The following KATNIP variants were observed in gnomAD, a reference collection of about 807,000 sequenced individuals.
The protein encoded by KATNIP is katanin interacting protein.
A neutral mutation model predicts 174.0 loss-of-function variants in KATNIP; 126 were observed. That is an observed-to-expected ratio of 0.72 (90% CI 0.63 to 0.84). The LOEUF (loss-of-function observed/expected upper bound fraction) is 0.84, where lower values mean the gene tolerates loss of function less well. Ranked by LOEUF, KATNIP falls within the 40% of genes least tolerant of loss-of-function variation. The probability of loss-of-function intolerance (pLI) is 0.00; values close to 1 mark genes in which losing one functional copy is unlikely to be tolerated. For synonymous variants in KATNIP, 810 were observed against 835.7 expected (o/e 0.97, Z 0.53); for missense variants, 1,958 against 2,109.7 (o/e 0.93, Z 1.41).
chr16:27,646,696 C>T (rs1332558428), intron 5 of KATNIP, among the ~76,000 whole-genome samples: 2 of 152,206 alleles, frequency 1.3e-5, no homozygotes, highest in East Asian at 3.8e-4. Context: ...GGGAACCTTG[C>T]GTGCCAGGTA....
At chr16:27,766,248 A>C in intron 19 of KATNIP, 61 bp from the exon 20 acceptor site, 1 of 1,581,084 alleles carries the variant, frequency 6.3e-7, no homozygotes. Context: ...TGGGGGCCCC[A>C]CTGTGATGCC....
At chr16:27,663,734 C>T (rs1250198738) in intron 6 of KATNIP, among the ~76,000 whole-genome samples, 1 of 151,920 alleles carries the variant, frequency 6.6e-6, no homozygotes, top group African/African-American at 2.4e-5. Context: ...GTTGGGATTA[C>T]AGGCGTGAGC....
Position 27,712,372 on chromosome 16 carries a change from G to A in KATNIP, c.1605+3452G>A, listed in dbSNP as rs554525584. Reference sequence around the variant, plus strand: ...CTCAGAACCATCTAATTGCACCAGCGTGTGGCAGCCACAGCCTGGTGCATC... The same window carrying A: ...CTCAGAACCATCTAATTGCACCAGCATGTGGCAGCCACAGCCTGGTGCATC... On this transcript the variant is annotated intron_variant, in intron 13 of 27. Coordinates refer to ENST00000261588, the MANE Select transcript of KATNIP (RefSeq NM_015202.5). Among the ~76,000 whole-genome samples, 12 of 152,214 alleles carry A rather than the reference G, an allele frequency of 7.9e-5. No homozygotes were observed. The South Asian group carries it at 1.2e-3, about 16-fold the overall frequency.
intron 2 of KATNIP, among the ~76,000 whole-genome samples, chr16:27,611,012 T>C (rs188692107): frequency 4.9e-4 from 74 of 152,320 alleles, no homozygotes; most frequent in African/African-American, 1.7e-3. Flanking sequence ...CATATGTTGA[T>C]TGATGTCTCA....
intron 1 of KATNIP, among the ~76,000 whole-genome samples, chr16:27,556,866 T>C (rs900167073): frequency 2.6e-5 from 4 of 152,196 alleles, no homozygotes; most frequent in Non-Finnish European, 2.9e-5. Context: ...AGACTCTTTG[T>C]GTCTGTTCTG....
intron 14 of KATNIP, among the ~76,000 whole-genome samples, chr16:27,733,563 GGAC>G (rs2080777184): frequency 2.2e-5 from 2 of 90,914 alleles, no homozygotes; most frequent in Non-Finnish European, 4.2e-5. Flanking sequence ...GAAACAAGAA[GGAC>G]ACACACACAC....
At position 27,740,269 on chromosome 16, in the gene KATNIP, G is replaced by C; in HGVS notation, c.1972G>C (p.Gly658Arg). 6.2e-7 allele frequency: 1 copy of C among 1,614,228 alleles called. No homozygotes were observed. Among genetic ancestry groups the C allele is most frequent in the African/African-American group, 1.3e-5 (1 of 75,060 alleles). Residue 658 changes from glycine to arginine, a missense_variant, in exon 15 of 28, where the codon GGT becomes CGT. Physicochemically the swap from Gly to Arg is moderately radical, Grantham distance 125 (BLOSUM62 -2). Transcript: ENST00000261588. ...CAGCGGGGACAAGGAGCTTGGTCTC[G>C]GTTGCTCACCGCCAGCTGAAACATT... ...GASGDKELGL[G>R]CSPPAETLAD...
chr16:27,741,299 T>G (rs541511830), intron 15 of KATNIP, among the ~76,000 whole-genome samples: 165 of 152,202 alleles, frequency 1.1e-3, no homozygotes, highest in African/African-American at 3.8e-3. Flanking sequence ...AATAGCTGGG[T>G]ACAGTGGCCA....
Position 27,628,731 on chromosome 16 carries a change from G to A in KATNIP, c.211G>A (p.Val71Ile). 1 of 1,614,212 alleles carries A rather than the reference G, an allele frequency of 6.2e-7. No individual in the cohort carries two copies. The change falls in exon 4 of 28, where the codon GTC becomes ATC. Residue 71 changes from valine to isoleucine, a missense_variant. Physicochemically the swap from Val to Ile is conservative, Grantham distance 29 (BLOSUM62 3). This residue lies in a region of KATNIP where 1,557 missense variants were observed against 1,617.8 expected (regional missense o/e 0.96). Coordinates refer to ENST00000261588, the MANE Select transcript of KATNIP (RefSeq NM_015202.5). ...RLEHLEQGFS[V>I]YVNGANSELK... ...GGAGCACTTGGAGCAAGGTTTCTCT[G>A]TCTATGTCAACGGTGCCAATTCGGA... is the stretch of plus-strand genomic sequence containing the variant.
intron 2 of KATNIP, among the ~76,000 whole-genome samples, chr16:27,595,149 C>G (rs2075297835): frequency 1.3e-5 from 2 of 152,218 alleles, no homozygotes; most frequent in East Asian, 3.9e-4. Flanking sequence ...CTTTGGGAGG[C>G]CTAAGTGGGT....
intron 1 of KATNIP, among the ~76,000 whole-genome samples, chr16:27,554,754 A>G (rs542565667): frequency 8.7e-4 from 109 of 125,200 alleles, no homozygotes; most frequent in Admixed American, 3.0e-3. Context: ...AAAGAATCCC[A>G]TTTTCTGTTC....
chr16:27,598,709 C>T (rs1468385134), intron 2 of KATNIP, among the ~76,000 whole-genome samples: 1 of 152,138 alleles, frequency 6.6e-6, no homozygotes, highest in Non-Finnish European at 1.5e-5. Flanking sequence ...AGCTGATGGT[C>T]AAGGAGGAAC....
chr16:27,595,877 A>T (rs1200650011), intron 2 of KATNIP, among the ~76,000 whole-genome samples: 1 of 152,192 alleles, frequency 6.6e-6, no homozygotes, highest in African/African-American at 2.4e-5. Flanking sequence ...AGCCACGCAG[A>T]TCTCTGGGAA....
At chr16:27,669,864 A>G (rs998617960) in intron 6 of KATNIP, among the ~76,000 whole-genome samples, 15 of 151,574 alleles carry the variant, frequency 9.9e-5, no homozygotes, top group African/African-American at 3.6e-4. Context: ...TTAAGTTTTT[A>G]AAAATAGAGT....
At chr16:27,772,098 G>C (rs2082329415) in intron 22 of KATNIP, among the ~76,000 whole-genome samples, 1 of 152,128 alleles carries the variant, frequency 6.6e-6, no homozygotes, top group Non-Finnish European at 1.5e-5. Context: ...GCAACATAAT[G>C]AGACTCCATA....
chr16:27,659,040 T>G (rs912569981), intron 6 of KATNIP, among the ~76,000 whole-genome samples: 1 of 152,156 alleles, frequency 6.6e-6, no homozygotes, highest in Non-Finnish European at 1.5e-5. Flanking sequence ...GTGCTGGGAT[T>G]ACAGGCGTGA....
chr16:27,663,413 G>A (rs2077585775), intron 6 of KATNIP, among the ~76,000 whole-genome samples: 1 of 150,666 alleles, frequency 6.6e-6, no homozygotes, highest in Non-Finnish European at 1.5e-5. Context: ...TACTTTCATT[G>A]TCATTTATTT....
chr16:27,770,336 C>T (rs1377345432), intron 21 of KATNIP, among the ~76,000 whole-genome samples: 2 of 152,194 alleles, frequency 1.3e-5, no homozygotes, highest in African/African-American at 4.8e-5. Flanking sequence ...TGGGGAAGGG[C>T]CTTCCTTCTC....
intron 7 of KATNIP, chr16:27,678,848 G>T (rs2078221253): frequency 6.6e-6 from 1 of 152,344 alleles, no homozygotes; most frequent in African/African-American, 2.4e-5. Flanking sequence ...AATGGAGGAA[G>T]TTTGTCAAGA....
Sources: allele counts gnomAD v4.1 joint callset (sites outside exome capture counted in the v4.1 genomes callset), GRCh38; gene constraint gnomAD v4.1.1; regional missense constraint gnomAD v4.1.1; transcripts MANE v1.5; gene names NCBI Gene and HGNC (gene_info 2026-07-23, HGNC 2026-07-21).